Variants in LPIN2 observed in about 807,000 individuals in gnomAD.
LPIN2 encodes lipin 2, also known as phosphatidate phosphatase LPIN2.
LPIN2 carries 55 observed loss-of-function variants against 111.4 expected under a neutral mutation model. The observed-to-expected ratio is 0.49, with a 90% CI of 0.40 to 0.62. The LOEUF (loss-of-function observed/expected upper bound fraction) is 0.62, where lower values mean the gene tolerates loss of function less well. Ranked by LOEUF, LPIN2 falls within the 20% of genes least tolerant of loss-of-function variation. The pLI is 0.00. For missense variants in LPIN2, 992 were observed against 1,112.1 expected, an observed-to-expected ratio of 0.89 and a Z score of 1.54; for synonymous variants, 425 against 414.0, an observed-to-expected ratio of 1.03 and a Z score of -0.32.
At position 2,921,606 on chromosome 18, in the gene LPIN2, C is replaced by T. The variant is rs760392439; in HGVS notation, c.2369G>A (p.Cys790Tyr). The change falls in exon 18 of 20, where the codon TGT becomes TAT. Residue 790 changes from cysteine to tyrosine, a missense_variant. This residue lies in a region of LPIN2 where 185 missense variants were observed against 186.5 expected (regional missense o/e 0.99). Coordinates refer to ENST00000677752, the MANE Select transcript of LPIN2 (RefSeq NM_001375808.2). ...AAACAGATTCTTGATATCATTTAGACACTCAATTTTGAACTTCTCTGGTTT... is the reference window on the plus strand; with the variant it reads ...AAACAGATTCTTGATATCATTTAGATACTCAATTTTGAACTTCTCTGGTTT... ...EKKPEKFKIE[C>Y]LNDIKNLFAP... is the part of the protein sequence containing the mutation. The T allele has an allele frequency of 1.2e-5, 19 of 1,614,006 alleles. No individual in the cohort carries two copies. Among genetic ancestry groups the T allele is most frequent in the Non-Finnish European group, 1.6e-5 (19 of 1,179,874 alleles).
intron 1 of LPIN2, among the ~76,000 whole-genome samples, chr18:3,006,841 A>C (rs1312975870): frequency 0.042 from 6,414 of 151,802 alleles, 443 homozygotes; most frequent in African/African-American, 0.15. Flanking sequence ...TGTCTCAAAA[A>C]AAAAAAAAAG....
At chr18:2,970,147 G>A (rs2077882486) in intron 1 of LPIN2, among the ~76,000 whole-genome samples, 1 of 152,180 alleles carries the variant, frequency 6.6e-6, no homozygotes, top group Non-Finnish European at 1.5e-5. Flanking sequence ...GGATACGTAA[G>A]AAGAGGGGAT....
intron 1 of LPIN2, among the ~76,000 whole-genome samples, chr18:2,997,632 C>T (rs1235548581): frequency 6.6e-6 from 1 of 152,182 alleles, no homozygotes; most frequent in African/African-American, 2.4e-5. Flanking sequence ...TTACATATGG[C>T]ATCAATCATT....
intron 1 of LPIN2, among the ~76,000 whole-genome samples, chr18:3,010,634 A>G (rs2078587245): frequency 6.6e-6 from 1 of 152,224 alleles, no homozygotes; most frequent in African/African-American, 2.4e-5. Flanking sequence ...ATGGATTTAA[A>G]TTAAAGATGG....
chr18:2,937,243 G>T (rs1245779338), intron 7 of LPIN2, among the ~76,000 whole-genome samples: 3 of 152,178 alleles, frequency 2.0e-5, no homozygotes, highest in East Asian at 1.9e-4. Context: ...GAAAGCAATT[G>T]TAAGAAAGTG....
chr18:2,920,285 G>T lies in LPIN2; in HGVS notation c.*8C>A, dbSNP rs2077033465. 1 of 1,613,968 alleles carries T rather than the reference G, an allele frequency of 6.2e-7. No homozygotes were observed. Among genetic ancestry groups the T allele is most frequent in the South Asian group, 1.1e-5 (1 of 91,086 alleles). ...GACCAAGCCCTGCCCACCCACTGAGGTGCCGCCTCAAGACAGGTCATCCAG... is the reference window on the plus strand; with the variant it reads ...GACCAAGCCCTGCCCACCCACTGAGTTGCCGCCTCAAGACAGGTCATCCAG... On this transcript the variant is annotated 3_prime_UTR_variant, in exon 20 of 20. Coordinates refer to ENST00000677752, the MANE Select transcript of LPIN2 (RefSeq NM_001375808.2).
chr18:2,968,519 C>A (rs149391689), intron 1 of LPIN2, among the ~76,000 whole-genome samples: 1 of 152,058 alleles, frequency 6.6e-6, no homozygotes, highest in African/African-American at 2.4e-5. Context: ...CTTATATAAT[C>A]CCTTATGATA....
At chr18:2,941,555 C>T (rs948755048) in intron 4 of LPIN2, among the ~76,000 whole-genome samples, 3 of 152,166 alleles carry the variant, frequency 2.0e-5, no homozygotes, top group Non-Finnish European at 4.4e-5. Context: ...TATCATTTGT[C>T]CTGTCTACTT....
In LPIN2 at chr18:2,922,223, G is replaced by C. The variant is rs765242251; in HGVS notation, c.2175-24C>G. 6.8e-6 allele frequency: 11 copies of C among 1,611,384 alleles called. No homozygotes were observed. The East Asian group carries it at 2.2e-4, about 33-fold the overall frequency. On this transcript the variant is annotated intron_variant, in intron 16 of 19. Coordinates refer to ENST00000677752, the MANE Select transcript of LPIN2 (RefSeq NM_001375808.2). ...TCCTGAAAGAAAACACACCCTGTTA[G>C]CCCACATGTTCTGGCTAAGGGAAAA...
chr18:2,945,746 C>T lies in LPIN2; in HGVS notation c.591-5034G>A, dbSNP rs777871808. ...CCTTCTCTCCTTCAAATACAATATG[C>T]GCATCTAACAATGTGCTATTTGCTT... On this transcript the variant is annotated intron_variant, in intron 4 of 19. Coordinates refer to ENST00000677752, the MANE Select transcript of LPIN2 (RefSeq NM_001375808.2). The T allele has an allele frequency of 8.7e-5, 103 of 1,190,550 alleles. 2 individuals carry two copies. The highest frequency in any genetic ancestry group is 5.2e-4 in the South Asian group (43 of 82,374). 73.7% of individuals were successfully genotyped at this position (1,190,550 alleles called of 1,614,324 possible).
intron 10 of LPIN2, 84 bp from the exon 11 acceptor site, chr18:2,928,744 A>C (rs1013424847): frequency 1.3e-5 from 13 of 995,122 alleles, no homozygotes; most frequent in African/African-American, 1.6e-5. Flanking sequence ...GGGAGGGAGG[A>C]GGGAAGTGAC....
intron 1 of LPIN2, chr18:2,982,832 G>A (rs2078132996): frequency 1.4e-6 from 1 of 722,252 alleles, no homozygotes. Flanking sequence ...ACAGAAAGCT[G>A]CTCTCTTGAC....
chr18:2,928,510 G>A, intron 11 of LPIN2, 81 bp downstream of exon 11: 1 of 1,351,734 alleles, frequency 7.4e-7, no homozygotes, highest in Admixed American at 1.7e-5. Flanking sequence ...ACCCAGTTCA[G>A]AAATATGCAC....
At chr18:3,003,680 T>C (rs1186121532) in intron 1 of LPIN2, among the ~76,000 whole-genome samples, 2 of 152,232 alleles carry the variant, frequency 1.3e-5, no homozygotes, top group Admixed American at 6.5e-5. Flanking sequence ...GTTATCTTCA[T>C]AAGCTGAGAA....
At chr18:2,989,892 C>G (rs2143416795) in intron 1 of LPIN2, among the ~76,000 whole-genome samples, 1 of 149,120 alleles carries the variant, frequency 6.7e-6, no homozygotes, top group East Asian at 2.0e-4. Context: ...TGCACTCCAG[C>G]CTGGGTGACA....
In LPIN2 at chr18:2,929,143, T is replaced by C; in HGVS notation, c.1472A>G (p.His491Arg). The change falls in exon 10 of 20, where the codon CAT becomes CGT. Residue 491 changes from histidine to arginine, a missense_variant. By Grantham distance (29) the His-to-Arg change is conservative. Around this residue, in one of 4 missense-constraint regions of LPIN2, gnomAD observed 709 missense variants for 753.2 expected, o/e 0.94. Coordinates refer to ENST00000677752, the MANE Select transcript of LPIN2 (RefSeq NM_001375808.2). ...TGCAAATTCGTGATAAGTAATGATA[T>C]GCTCCATGAATTTTTCTGCAATGTA... is the stretch of plus-strand genomic sequence containing the variant. The part of the protein sequence containing the change: ...GEISKEKFME[H>R]IITYHEFAEN... 4 of 1,602,974 alleles carry C rather than the reference T, an allele frequency of 2.5e-6. No individual in the cohort carries two copies. Among genetic ancestry groups the C allele is most frequent in the South Asian group, 1.1e-5 (1 of 90,832 alleles).
At chr18:2,922,369 G>C (rs1439455881) in intron 16 of LPIN2, among the ~76,000 whole-genome samples, 170 bp from the exon 17 acceptor site, 1 of 151,794 alleles carries the variant, frequency 6.6e-6, no homozygotes, top group East Asian at 1.9e-4. Flanking sequence ...CCACCTCCTG[G>C]ATTCAAGCAA....
At chr18:2,947,012 G>A (rs1598554258) in intron 4 of LPIN2, 2 of 186,484 alleles carry the variant, frequency 1.1e-5, no homozygotes, top group East Asian at 3.0e-4. Context: ...ACTCACCCCA[G>A]AAGAACATGG....
intron 2 of LPIN2, among the ~76,000 whole-genome samples, chr18:2,958,454 A>G (rs184177018): frequency 1.3e-5 from 2 of 152,262 alleles, no homozygotes; most frequent in East Asian, 3.9e-4. Context: ...TTACTTTCAC[A>G]TCAATGGCCA....
Sources: gnomAD v4.1 joint callset for allele counts (sites outside exome capture counted in the v4.1 genomes callset) on GRCh38, gnomAD v4.1.1 for gene constraint, gnomAD v4.1.1 regional missense constraint, MANE v1.5 for transcripts, NCBI Gene and HGNC (gene_info 2026-07-23, HGNC 2026-07-21) for gene names.